MLC1: variants seen among roughly 807,000 people sequenced by gnomAD.
MLC1 encodes membrane protein MLC1.
In MLC1, 32 loss-of-function variants were observed where a neutral mutation model predicts 44.7. The observed-to-expected ratio is 0.72, with a 90% confidence interval of 0.54 to 0.96. MLC1 has a LOEUF of 0.96. MLC1 is among the 40% of genes least tolerant of loss of function. MLC1 has a pLI of 0.00. For missense variants in MLC1, 459 were observed against 492.2 expected, an observed-to-expected ratio of 0.93 and a Z score of 0.64; for synonymous variants, 190 against 213.0, an observed-to-expected ratio of 0.89 and a Z score of 0.94.
At chr22:50,081,009 A>AAAAGAAAGAAAGAAAGAAAGAAAAG (rs1555967992) in intron 3 of MLC1, among the ~76,000 whole-genome samples, 19 of 96,740 alleles carry the variant, frequency 2.0e-4, no homozygotes, top group African/African-American at 8.2e-4. Flanking sequence ...TTGTCTCAAA[A>AAAAGAAAGAAAGAAAGAAAGAAAAG]AAAGAAAGAA....
chr22:50,079,263 G>A (rs191885385), intron 5 of MLC1, among the ~76,000 whole-genome samples: 2 of 151,986 alleles, frequency 1.3e-5, no homozygotes, highest in Non-Finnish European at 2.9e-5. Flanking sequence ...CAGCCTGGGC[G>A]ACAGAGCGAG....
intron 5 of MLC1, among the ~76,000 whole-genome samples, chr22:50,079,500 CTTTTTT>C (rs55760839): frequency 1.3e-5 from 1 of 75,820 alleles, no homozygotes. Flanking sequence ...GGATTTTTGT[CTTTTTT>C]TTTTTTTTTT....
intron 8 of MLC1, among the ~76,000 whole-genome samples, chr22:50,073,507 G>T (rs1292778836): frequency 2.0e-5 from 3 of 152,182 alleles, no homozygotes; most frequent in Non-Finnish European, 4.4e-5. Flanking sequence ...GAGGCAGGCA[G>T]ATCACTTGAG....
chr22:50,061,982 G>A (rs1025838182), intron 11 of MLC1, among the ~76,000 whole-genome samples: 6 of 152,192 alleles, frequency 3.9e-5, no homozygotes, highest in Non-Finnish European at 2.9e-5. Context: ...TGTGCCTGAC[G>A]GCTGAGGAAG....
rs202135704 is a variant in MLC1 at position 50,084,839 on chromosome 22, G to A, written c.64C>T (p.Arg22Trp). Residue 22 changes from arginine to tryptophan, a missense_variant, in exon 2 of 12, where the codon CGG becomes TGG. Physicochemically the swap from Arg to Trp is moderately radical, Grantham distance 101. Transcript: ENST00000311597. ...GGGGCATAGCTGGCGGGGTCTTGCC[G>A]GCCCCGCTCCAGCGTGGGCATCCGG... ...YDRMPTLERG[R>W]QDPASYAPDA... 201 of 1,613,528 alleles carry A rather than the reference G, an allele frequency of 1.2e-4. No homozygotes were observed. Among genetic ancestry groups the A allele is most frequent in the Non-Finnish European group, 1.6e-4 (186 of 1,180,048 alleles).
chr22:50,063,746 C>G (rs2061627288), intron 11 of MLC1, among the ~76,000 whole-genome samples: 2 of 144,062 alleles, frequency 1.4e-5, no homozygotes, highest in Admixed American at 6.8e-5. Context: ...CCCCAGTGCC[C>G]CCACCCCACA....
At chr22:50,075,475 G>C (rs1169883104) in intron 7 of MLC1, among the ~76,000 whole-genome samples, 1 of 152,154 alleles carries the variant, frequency 6.6e-6, no homozygotes, top group African/African-American at 2.4e-5. Flanking sequence ...ACTTTGGGAG[G>C]CCGAGGCAGA....
At chr22:50,084,477 C>G (rs1342429910) in intron 2 of MLC1, among the ~76,000 whole-genome samples, 1 of 152,210 alleles carries the variant, frequency 6.6e-6, no homozygotes, top group African/African-American at 2.4e-5. Context: ...GGGACTGTCC[C>G]TACCCTGGTG....
chr22:50,068,725 C>CTTTT (rs765426637), intron 9 of MLC1, among the ~76,000 whole-genome samples, 170 bp from the exon 10 acceptor site: 43 of 105,246 alleles, frequency 4.1e-4, no homozygotes, highest in African/African-American at 1.2e-3. Context: ...TTTTCTTTTT[C>CTTTT]TTTTTTTTTT....
At position 50,061,317 on chromosome 22, in the gene MLC1, G is replaced by A. The variant is rs1420735669; in HGVS notation, c.*266C>T. Reference sequence around the variant, plus strand: ...GAGGCCGAGCCGGGGGCCCTTCCTCGGCCTGGGAAGTTGCGGCCATGCTCC... The same window carrying A: ...GAGGCCGAGCCGGGGGCCCTTCCTCAGCCTGGGAAGTTGCGGCCATGCTCC... On this transcript the variant is annotated 3_prime_UTR_variant, in exon 12 of 12. Coordinates refer to ENST00000311597, the MANE Select transcript of MLC1 (RefSeq NM_015166.4). The A allele has an allele frequency of 3.2e-5, 17 of 530,408 alleles. No individual in the cohort carries two copies. The highest frequency in any genetic ancestry group is 1.2e-4 in the Admixed American group (4 of 32,122). 32.9% of individuals were successfully genotyped at this position (530,408 alleles called of 1,614,324 possible). A position where few individuals can be genotyped will look rare whatever the true frequency, so the allele number is the denominator to read the frequency against.
Position 50,080,107 on chromosome 22 carries a change from A to C in MLC1, c.322-88T>G, listed in dbSNP as rs993506822. 109 of 1,153,326 alleles carry C rather than the reference A, an allele frequency of 9.5e-5. 2 individuals are homozygous for C. The highest frequency in any genetic ancestry group is 1.0e-5 in the Non-Finnish European group (8 of 774,898). The allele number at this position is 1,153,326 out of a possible 1,614,324, so 71.4% of individuals were successfully genotyped here. A position where few individuals can be genotyped will look rare whatever the true frequency, so the allele number is the denominator to read the frequency against. ...AAACCACACTTCAGGCCATTCACTAAAAATTATCCTGATTAGGACATAATG... is the reference window on the plus strand; with the variant it reads ...AAACCACACTTCAGGCCATTCACTACAAATTATCCTGATTAGGACATAATG... On this transcript the variant is annotated intron_variant, in intron 4 of 11. Coordinates refer to ENST00000311597, the MANE Select transcript of MLC1 (RefSeq NM_015166.4).
chr22:50,078,642 G>C (rs1435910189), intron 5 of MLC1, among the ~76,000 whole-genome samples: 2 of 151,702 alleles, frequency 1.3e-5, no homozygotes, highest in African/African-American at 2.4e-5. Flanking sequence ...GGGAGGCTGA[G>C]ACAGGAGAAT....
chr22:50,080,955 C>T (rs1028646770), intron 3 of MLC1, among the ~76,000 whole-genome samples: 3 of 145,300 alleles, frequency 2.1e-5, no homozygotes, highest in South Asian at 2.2e-4. Context: ...CCCAGGAGTT[C>T]GAGGCTGCAG....
At position 50,080,502 on chromosome 22, in the gene MLC1, A is replaced by G; in HGVS notation, c.268-105T>C. On this transcript the variant is annotated intron_variant, in intron 3 of 11. Coordinates refer to ENST00000311597, the MANE Select transcript of MLC1 (RefSeq NM_015166.4). ...CCAGAAGGATCTGAATCATATTCAC[A>G]AAACAGTGTTGCCAGTCCATGCAAC... 1.3e-5 allele frequency: 16 copies of G among 1,267,218 alleles called. No homozygotes were observed. In the South Asian group the frequency reaches 1.9e-4, roughly 15 times the overall value. The allele number at this position is 1,267,218 out of a possible 1,614,324, so 78.5% of individuals were successfully genotyped here.
chr22:50,071,393 T>C (rs949057325), intron 8 of MLC1, among the ~76,000 whole-genome samples: 4 of 152,282 alleles, frequency 2.6e-5, no homozygotes, highest in Middle Eastern at 3.4e-3. Flanking sequence ...CACCTGGCCC[T>C]GGTCATGTTA....
Position 50,084,770 on chromosome 22 carries a change from G to A in MLC1, c.133C>T (p.Pro45Ser), listed in dbSNP as rs2062239012. ...ACCCACGTCTTGTGGCTGAAGCAGG[G>A]GGGCAGTCTCTTCGACAGCTGCAGG... ...SDLQLSKRLP[P>S]CFSHKTWVFS... The change falls in exon 2 of 12, where the codon CCC becomes TCC. Residue 45 changes from proline (P) to serine (S), a missense_variant. By Grantham distance (74) the Pro-to-Ser change is moderately conservative. Coordinates refer to ENST00000311597, the MANE Select transcript of MLC1 (RefSeq NM_015166.4). 1.2e-6 allele frequency: 2 copies of A among 1,614,122 alleles called. No individual in the cohort carries two copies. The highest frequency in any genetic ancestry group is 1.7e-6 in the Non-Finnish European group (2 of 1,180,040).
Position 50,083,240 on chromosome 22 carries a change from A to G in MLC1, c.178-67T>C, listed in dbSNP as rs1439025522. On this transcript the variant is annotated intron_variant, in intron 2 of 11. Transcript: ENST00000311597. The surrounding 1 kb of genome is among the most constrained non-coding windows in gnomAD (Gnocchi z 4.6). ...TCCCCAGGCTGGACCCTGACCCTTC[A>G]ACTTCTGCTTCACTGTCTGTGTATT... 5 of 1,398,204 alleles carry G rather than the reference A, an allele frequency of 3.6e-6. No homozygotes were observed. Among genetic ancestry groups the G allele is most frequent in the Non-Finnish European group, 4.1e-6 (4 of 987,198 alleles). The allele number at this position is 1,398,204 out of a possible 1,614,324, so 86.6% of individuals were successfully genotyped here. A position where few individuals can be genotyped will look rare whatever the true frequency, so the allele number is the denominator to read the frequency against.
At chr22:50,074,144 C>A in intron 8 of MLC1, 72 bp downstream of exon 8, 1 of 1,309,456 alleles carries the variant, frequency 7.6e-7, no homozygotes. Context: ...AGACTGAGCT[C>A]GGGGCCCAGC....
intron 7 of MLC1, 174 bp from the exon 8 acceptor site, chr22:50,074,506 T>A (rs1244613607): frequency 1.5e-6 from 1 of 661,124 alleles, no homozygotes; most frequent in Non-Finnish European, 2.8e-6. Context: ...CCAGACCCCC[T>A]CTGCCCTCAG....
Sources: allele counts gnomAD v4.1 joint callset (sites outside exome capture counted in the v4.1 genomes callset), GRCh38; gene constraint gnomAD v4.1.1; non-coding constraint Gnocchi (gnomAD v3.1); transcripts MANE v1.5; gene names NCBI Gene and HGNC (gene_info 2026-07-23, HGNC 2026-07-21).